CLMP: variants seen among roughly 807,000 people sequenced by gnomAD.
The protein encoded by CLMP is CXADR-like membrane protein.
Under a neutral mutation model 45.2 loss-of-function variants are expected in CLMP, and 27 were observed. The observed-to-expected ratio is 0.60, with a 90% CI of 0.44 to 0.82. CLMP has a LOEUF of 0.82. Among genes scored for constraint, CLMP ranks in the 40% least tolerant of loss-of-function variants. The probability of loss-of-function intolerance (pLI) is 0.00; values close to 1 mark genes in which losing one functional copy is unlikely to be tolerated. For missense variants in CLMP, 403 were observed against 448.4 expected (o/e 0.90, Z 0.91); for synonymous variants, 167 against 171.4 (o/e 0.97, Z 0.20).
chr11:123,140,167 T>G (rs1280660658), intron 1 of CLMP, among the ~76,000 whole-genome samples: 1 of 152,172 alleles, frequency 6.6e-6, no homozygotes, highest in Non-Finnish European at 1.5e-5. Context: ...CACTCTGGCT[T>G]AATGTGGGAT....
At chr11:123,136,396 G>A in intron 1 of CLMP, 2 of 513,610 alleles carry the variant, frequency 3.9e-6, no homozygotes, top group Non-Finnish European at 7.4e-6. Flanking sequence ...GATACCGCCG[G>A]TGGCCAGTTC....
chr11:123,101,924 C>T (rs1356507343), intron 1 of CLMP, among the ~76,000 whole-genome samples: 1 of 152,184 alleles, frequency 6.6e-6, no homozygotes, highest in Non-Finnish European at 1.5e-5. Context: ...TGGCTCATGC[C>T]TGTAATCCCA....
At chr11:123,130,612 A>G (rs1442329511) in intron 1 of CLMP, among the ~76,000 whole-genome samples, 1 of 152,124 alleles carries the variant, frequency 6.6e-6, no homozygotes, top group Non-Finnish European at 1.5e-5. Context: ...CCCACTGGGA[A>G]CTGCATTGTT....
rs113584682 is a variant in CLMP, at chr11:123,189,335, T to C, written c.28+5578A>G. On this transcript the variant is annotated intron_variant, in intron 1 of 6. Coordinates refer to ENST00000448775, the MANE Select transcript of CLMP (RefSeq NM_024769.5). ...ACATGGTTTTTGGAATCCAAAGTCC[T>C]GGGTTGGTGTCCTAGCTCAGCTGTT... Among the ~76,000 whole-genome samples the C allele has an allele frequency of 5.3e-3, 802 of 152,292 alleles. 8 individuals carry two copies. The highest frequency in any genetic ancestry group is 0.017 in the African/African-American group (713 of 41,562).
At chr11:123,089,772 A>G (rs184400834) in intron 2 of CLMP, among the ~76,000 whole-genome samples, 7,711 of 115,400 alleles carry the variant, frequency 0.067, 298 homozygotes, top group East Asian at 0.15. Flanking sequence ...GCGAGTCTCC[A>G]TCTCAAAAAA....
intron 1 of CLMP, among the ~76,000 whole-genome samples, chr11:123,175,868 G>A (rs1861691839): frequency 6.6e-6 from 1 of 152,194 alleles, no homozygotes; most frequent in African/African-American, 2.4e-5. Flanking sequence ...GAAACTTGAA[G>A]ATTCATAGAA....
chr11:123,142,109 T>C (rs1195954497), intron 1 of CLMP, among the ~76,000 whole-genome samples: 1 of 151,424 alleles, frequency 6.6e-6, no homozygotes, highest in African/African-American at 2.4e-5. Context: ...CTCAGCCTCC[T>C]GAGTAGCTGG....
intron 1 of CLMP, among the ~76,000 whole-genome samples, chr11:123,152,114 G>A (rs1223444071): frequency 1.3e-5 from 2 of 152,152 alleles, no homozygotes; most frequent in Non-Finnish European, 2.9e-5. Context: ...GTGATGCCCT[G>A]ATGCTTTCAC....
intron 1 of CLMP, among the ~76,000 whole-genome samples, chr11:123,103,696 T>G (rs1860485511): frequency 6.6e-6 from 1 of 151,910 alleles, no homozygotes; most frequent in Non-Finnish European, 1.5e-5. Context: ...TTCTGTCCCT[T>G]TTTTTTTCTT....
intron 1 of CLMP, among the ~76,000 whole-genome samples, chr11:123,130,120 G>A (rs1211780755): frequency 4.6e-5 from 7 of 152,166 alleles, no homozygotes; most frequent in Admixed American, 6.6e-5. Context: ...CAGATGGTGA[G>A]AAAGAGTAAA....
intron 2 of CLMP, among the ~76,000 whole-genome samples, chr11:123,096,239 A>C (rs1025692725): frequency 6.6e-6 from 1 of 152,186 alleles, no homozygotes; most frequent in African/African-American, 2.4e-5. Flanking sequence ...CTGTAATCCC[A>C]GCTACTCAGG....
intron 1 of CLMP, among the ~76,000 whole-genome samples, chr11:123,113,573 T>G (rs1860673302): frequency 1.3e-5 from 2 of 152,198 alleles, no homozygotes; most frequent in Non-Finnish European, 2.9e-5. Context: ...AGCAAACCAG[T>G]TGCCAAGCTG....
intron 1 of CLMP, among the ~76,000 whole-genome samples, chr11:123,177,956 G>A (rs1414409976): frequency 3.3e-5 from 5 of 152,048 alleles, no homozygotes; most frequent in African/African-American, 1.2e-4. Flanking sequence ...TCCGCCTCCC[G>A]GGTTCAAGCG....
At chr11:123,189,591 G>A (rs1163399163) in intron 1 of CLMP, among the ~76,000 whole-genome samples, 1 of 152,130 alleles carries the variant, frequency 6.6e-6, no homozygotes, top group East Asian at 1.9e-4. Context: ...CTACAAGTGG[G>A]CTGGTAATAT....
rs11219061 is a variant in CLMP, at chr11:123,195,022, C to A, written c.-82G>T. The A allele has an allele frequency of 0.14, 192,850 of 1,427,988 alleles. 18,925 individuals are homozygous for A. The highest frequency in any genetic ancestry group is 0.5 in the African/African-American group (34,752 of 69,028). The allele number at this position is 1,427,988 out of a possible 1,614,324, so 88.5% of individuals were successfully genotyped here. ...CCGGGCGCCTCCGACGGACCTCGGG[C>A]GAGCTGGGCGCGGCGCCTCGGGGTG... On this transcript the variant is annotated 5_prime_UTR_variant, in exon 1 of 7. Transcript: ENST00000448775.
At chr11:123,094,645 C>T (rs1042843007) in intron 2 of CLMP, among the ~76,000 whole-genome samples, 14 of 152,224 alleles carry the variant, frequency 9.2e-5, no homozygotes, top group Non-Finnish European at 1.5e-4. Flanking sequence ...AGTCCTCCCA[C>T]CTCAACCTCC....
In CLMP at chr11:123,094,329, A is replaced by G. The variant is rs180956877; in HGVS notation, c.186+3466T>C. Among the ~76,000 whole-genome samples the G allele has an allele frequency of 4.0e-3, 611 of 151,028 alleles. 1 individual carries two copies. The highest frequency in any genetic ancestry group is 7.4e-3 in the Non-Finnish European group (501 of 67,750). On this transcript the variant is annotated intron_variant, in intron 2 of 6. Coordinates refer to ENST00000448775, the MANE Select transcript of CLMP (RefSeq NM_024769.5). ...ACCATGTTGCCCAGGCTGGTCTTGA[A>G]CTCCTGAGCTCAAGTGGACCTCCTG...
intron 1 of CLMP, among the ~76,000 whole-genome samples, chr11:123,100,633 C>T (rs550342992): frequency 1.3e-5 from 2 of 152,196 alleles, no homozygotes; most frequent in South Asian, 4.1e-4. Flanking sequence ...CAAATAGTGT[C>T]CACCCTCAGT....
At chr11:123,135,254 C>T (rs905716536) in intron 1 of CLMP, among the ~76,000 whole-genome samples, 3 of 112,362 alleles carry the variant, frequency 2.7e-5, no homozygotes, top group African/African-American at 3.9e-5. Flanking sequence ...AAAAAGACTC[C>T]GTCTCAAAAA....
Sources: gnomAD v4.1 joint callset for allele counts (sites outside exome capture counted in the v4.1 genomes callset) on GRCh38, gnomAD v4.1.1 for gene constraint, MANE v1.5 for transcripts, NCBI Gene and HGNC (gene_info 2026-07-23, HGNC 2026-07-21) for gene names.